Variants in TOP6BL observed in about 807,000 individuals in gnomAD.
TOP6BL encodes the protein TOP6B like initiator of meiotic double strand breaks.
the TOP6BL span, among the ~76,000 whole-genome samples, chr11:66,787,753 A>G: frequency 6.6e-6 from 1 of 151,618 alleles, no homozygotes; most frequent in Admixed American, 6.6e-5. Flanking sequence ...CCTGAGAGTC[A>G]TTCTTGAATT....
the TOP6BL span, among the ~76,000 whole-genome samples, chr11:66,777,843 A>G: frequency 6.6e-6 from 1 of 152,056 alleles, no homozygotes; most frequent in Non-Finnish European, 1.5e-5. Flanking sequence ...CTGCACTCCA[A>G]CCTGGGCATC....
the TOP6BL span, chr11:66,816,189 G>A: frequency 6.2e-7 from 1 of 1,608,942 alleles, no homozygotes; most frequent in Non-Finnish European, 8.5e-7. Context: ...TCCAGCAAAT[G>A]GAAATCTGGG....
chr11:66,758,312 T>TTTTTTTTC, the TOP6BL span: 1 of 132,170 alleles, frequency 7.6e-6, no homozygotes, highest in East Asian at 2.5e-4. Flanking sequence ...CTTTTTTTTT[T>TTTTTTTTC]TTTTTTTTTT....
chr11:66,788,893 G>A, the TOP6BL span, among the ~76,000 whole-genome samples: 1 of 152,136 alleles, frequency 6.6e-6, no homozygotes, highest in Non-Finnish European at 1.5e-5. Flanking sequence ...TGGTAGCTGG[G>A]ACTACAGGTG....
chr11:66,756,847 A>G, the TOP6BL span, among the ~76,000 whole-genome samples: 1 of 151,920 alleles, frequency 6.6e-6, no homozygotes, highest in African/African-American at 2.4e-5. Flanking sequence ...GAATAGCTGG[A>G]CTACAGGTGT....
chr11:66,818,938 C>G, the TOP6BL span, among the ~76,000 whole-genome samples: 2 of 152,160 alleles, frequency 1.3e-5, no homozygotes, highest in Non-Finnish European at 2.9e-5. Context: ...AGTTGTTGTA[C>G]TCAGTATTGG....
At chr11:66,829,838 A>G in the TOP6BL span, among the ~76,000 whole-genome samples, 2 of 152,186 alleles carry the variant, frequency 1.3e-5, no homozygotes, top group Non-Finnish European at 2.9e-5. Context: ...GCCGTGAGCT[A>G]AAATCATATC....
the TOP6BL span, among the ~76,000 whole-genome samples, chr11:66,794,315 C>T: frequency 1.3e-5 from 2 of 151,584 alleles, no homozygotes; most frequent in Admixed American, 1.3e-4. Flanking sequence ...GATTGTATTT[C>T]TTCTTTCATT....
chr11:66,809,363 C>T, the TOP6BL span, among the ~76,000 whole-genome samples: 1 of 152,098 alleles, frequency 6.6e-6, no homozygotes, highest in Non-Finnish European at 1.5e-5. Context: ...AAATCATTAC[C>T]AACCTAGAAT....
the TOP6BL span, among the ~76,000 whole-genome samples, chr11:66,768,667 TG>T: frequency 1.3e-5 from 2 of 150,456 alleles, no homozygotes; most frequent in African/African-American, 5.0e-5. Flanking sequence ...TTTTGTTTTT[TG>T]TTTTTTTTTT....
chr11:66,807,140 CTAAG>C, the TOP6BL span, among the ~76,000 whole-genome samples: 1 of 152,064 alleles, frequency 6.6e-6, no homozygotes, highest in Non-Finnish European at 1.5e-5. Context: ...AGTGAAGCCT[CTAAG>C]GAGGTGATGT....
chr11:66,765,497 A>C, the TOP6BL span, among the ~76,000 whole-genome samples: 1 of 152,026 alleles, frequency 6.6e-6, no homozygotes, highest in Non-Finnish European at 1.5e-5. Context: ...CCACTCAATA[A>C]TGCTAGTTAT....
chr11:66,801,158 G>A, the TOP6BL span: 6 of 1,537,442 alleles, frequency 3.9e-6, no homozygotes, highest in African/African-American at 2.7e-5. Flanking sequence ...TCTCGAGTAC[G>A]AATGTGGGTA....
the TOP6BL span, among the ~76,000 whole-genome samples, chr11:66,837,445 AT>A: frequency 0.018 from 2,003 of 111,806 alleles, 11 homozygotes; most frequent in Middle Eastern, 0.03. Flanking sequence ...CAAATTTTTA[AT>A]TTTTTTTTTT....
the TOP6BL span, among the ~76,000 whole-genome samples, chr11:66,823,242 C>T: frequency 2.8e-5 from 4 of 144,176 alleles, no homozygotes; most frequent in East Asian, 4.1e-4. Context: ...TGCAGTGAGC[C>T]GAGATCGCCC....
At chr11:66,774,578 C>G in the TOP6BL span, among the ~76,000 whole-genome samples, 1 of 151,990 alleles carries the variant, frequency 6.6e-6, no homozygotes, top group Non-Finnish European at 1.5e-5. Flanking sequence ...CTCAGCCTCC[C>G]GAGTAACTGG....
At chr11:66,769,687 G>A in the TOP6BL span, among the ~76,000 whole-genome samples, 4 of 151,648 alleles carry the variant, frequency 2.6e-5, no homozygotes, top group Non-Finnish European at 4.4e-5. Flanking sequence ...TGAGGGTTGG[G>A]CCTTCATGAG....
the TOP6BL span, among the ~76,000 whole-genome samples, chr11:66,841,504 C>T: frequency 3.3e-5 from 5 of 152,206 alleles, no homozygotes; most frequent in Admixed American, 1.3e-4. Flanking sequence ...CCTCTATCTC[C>T]ACTGTCTTTA....
At chr11:66,796,241 T>C in the TOP6BL span, 1 of 1,397,156 alleles carries the variant, frequency 7.2e-7, no homozygotes, top group Non-Finnish European at 1.0e-6. Context: ...GCTCTTGAGA[T>C]TGTGTATGTG....
Sources: gnomAD v4.1 joint callset for allele counts (sites outside exome capture counted in the v4.1 genomes callset) on GRCh38, gnomAD v4.1.1 for gene constraint, MANE v1.5 for transcripts, NCBI Gene and HGNC (gene_info 2026-07-23, HGNC 2026-07-21) for gene names.